The following JAK2 variants were observed in gnomAD, a reference collection of about 807,000 sequenced individuals.
JAK2 encodes the protein tyrosine-protein kinase JAK2.
A neutral mutation model predicts 139.3 loss-of-function variants in JAK2; 86 were observed. The ratio of observed to expected loss-of-function variants is 0.62; its 90% CI spans 0.52 to 0.74. JAK2 has a LOEUF of 0.74. JAK2 is among the 30% of genes least tolerant of loss of function. JAK2 has a pLI of 0.00. For missense variants in JAK2, 1,421 were observed against 1,360.3 expected (o/e 1.04, Z -0.70); for synonymous variants, 490 against 437.7 (o/e 1.12, Z -1.49).
chr9:5,061,790 G>A (rs905815757), intron 8 of JAK2, among the ~76,000 whole-genome samples: 2 of 152,252 alleles, frequency 1.3e-5, no homozygotes, highest in South Asian at 2.1e-4. Flanking sequence ...AGCTTTCAGC[G>A]TGTGTTGGCT....
rs1307677230 is a variant in JAK2, at chr9:5,122,907, C to A, written c.3060-97C>A. The A allele has an allele frequency of 1.7e-5, 13 of 751,738 alleles. No individual in the cohort carries two copies. The Admixed American group carries it at 2.8e-4, about 16-fold the overall frequency. The allele number at this position is 751,738 out of a possible 1,614,324, so 46.6% of individuals were successfully genotyped here. ...CCTGCTGTGATAACTCTTTTCTCTA[C>A]ATGTTTTTTTTTTTAATTTATACAA... On this transcript the variant is annotated intron_variant, in intron 22 of 24. Transcript: ENST00000381652.
At chr9:5,046,685 T>A (rs1303556074) in intron 5 of JAK2, among the ~76,000 whole-genome samples, 1 of 152,200 alleles carries the variant, frequency 6.6e-6, no homozygotes, top group Non-Finnish European at 1.5e-5. Context: ...GGCACCTTTG[T>A]TGAAAATCAT....
chr9:5,114,131 A>G, intron 22 of JAK2: 1 of 371,742 alleles, frequency 2.7e-6, no homozygotes, highest in Admixed American at 3.4e-5. Context: ...TCACCTATCA[A>G]GGTAACACCT....
chr9:5,117,078 C>A (rs1157268576), intron 22 of JAK2, among the ~76,000 whole-genome samples: 1 of 152,214 alleles, frequency 6.6e-6, no homozygotes, highest in Non-Finnish European at 1.5e-5. Flanking sequence ...TGTGAGGACA[C>A]GGCATTCCTC....
rs554307900 is a variant in JAK2 at position 5,029,309 on chromosome 9, C to A, written c.227-474C>A. On this transcript the variant is annotated intron_variant, in intron 3 of 24. Coordinates refer to ENST00000381652, the MANE Select transcript of JAK2 (RefSeq NM_004972.4). ...CACAGCATTTGTTGCTTATGTTTGTCATCTTATATGGGCACGGTTCATAGC... is the reference window on the plus strand; with the variant it reads ...CACAGCATTTGTTGCTTATGTTTGTAATCTTATATGGGCACGGTTCATAGC... Among the ~76,000 whole-genome samples the A allele has an allele frequency of 2.6e-5, 4 of 152,256 alleles. No individual in the cohort carries two copies. The East Asian group carries it at 5.8e-4, about 22-fold the overall frequency.
intron 3 of JAK2, among the ~76,000 whole-genome samples, chr9:5,028,070 T>G (rs1822893783): frequency 6.6e-6 from 1 of 152,230 alleles, no homozygotes; most frequent in Non-Finnish European, 1.5e-5. Context: ...CATAAGTTTT[T>G]TTATTTACTT....
rs202072281 is a variant in JAK2 at position 5,080,701 on chromosome 9, C to A, written c.2434+18C>A. 300 of 1,510,180 alleles carry A rather than the reference C, an allele frequency of 2.0e-4. No individual in the cohort carries two copies. In the African/African-American group the frequency reaches 3.9e-3, roughly 20 times the overall value. 93.5% of individuals were successfully genotyped at this position (1,510,180 alleles called of 1,614,324 possible). A position where few individuals can be genotyped will look rare whatever the true frequency, so the allele number is the denominator to read the frequency against. On this transcript the variant is annotated intron_variant, in intron 18 of 24. Coordinates refer to ENST00000381652, the MANE Select transcript of JAK2 (RefSeq NM_004972.4). The stretch of plus-strand genomic sequence containing the variant: ...TACTCCAGGTATGTATTTGAATGAT[C>A]TTATTGATTTTCCAGCTTTCTATCT...
chr9:5,102,004 G>A (rs1190664384), intron 22 of JAK2, among the ~76,000 whole-genome samples: 1 of 152,158 alleles, frequency 6.6e-6, no homozygotes, highest in Non-Finnish European at 1.5e-5. Context: ...TCCTCCAAAG[G>A]ATTGCAGCTC....
Position 5,054,472 on chromosome 9 carries a change from G to T in JAK2, c.615-91G>T. The T allele has an allele frequency of 9.0e-7, 1 of 1,108,844 alleles. No homozygotes were observed. 68.7% of individuals were successfully genotyped at this position (1,108,844 alleles called of 1,614,324 possible). On this transcript the variant is annotated intron_variant, in intron 6 of 24. Transcript: ENST00000381652. This position sits in a 1 kb window ranked among gnomAD's most constrained non-coding sequence, Gnocchi z 4.9. ...GTGTTGTAAGGCCTACTTAATCATGGAAAAAGGTGGTAACTTCTTTTTCAA... is the reference window on the plus strand; with the variant it reads ...GTGTTGTAAGGCCTACTTAATCATGTAAAAAGGTGGTAACTTCTTTTTCAA...
At chr9:5,061,087 C>A (rs1818139341) in intron 8 of JAK2, among the ~76,000 whole-genome samples, 1 of 152,156 alleles carries the variant, frequency 6.6e-6, no homozygotes, top group African/African-American at 2.4e-5. Flanking sequence ...AGTCAGTAAA[C>A]CATGCTATAA....
chr9:4,991,996 C>T (rs970961279), intron 2 of JAK2, among the ~76,000 whole-genome samples: 8 of 152,260 alleles, frequency 5.3e-5, no homozygotes, highest in Non-Finnish European at 1.0e-4. Flanking sequence ...AAAACAACTA[C>T]TTTATTAGGC....
intron 22 of JAK2, chr9:5,094,872 C>A (rs1311453925): frequency 6.6e-6 from 1 of 152,158 alleles, no homozygotes; most frequent in African/African-American, 2.4e-5. Context: ...CTTTTAACCA[C>A]CGTTTTTATG....
At chr9:5,093,199 T>C (rs1212487308) in intron 22 of JAK2, among the ~76,000 whole-genome samples, 1 of 152,194 alleles carries the variant, frequency 6.6e-6, no homozygotes, top group Non-Finnish European at 1.5e-5. Flanking sequence ...CATCCTATTA[T>C]TTATACTGTT....
At chr9:5,036,758 C>T (rs1006060718) in intron 4 of JAK2, among the ~76,000 whole-genome samples, 2 of 152,162 alleles carry the variant, frequency 1.3e-5, no homozygotes, top group Non-Finnish European at 2.9e-5. Flanking sequence ...CCATAAAAAC[C>T]CTAGAAGAAA....
intron 12 of JAK2, among the ~76,000 whole-genome samples, chr9:5,070,831 C>G (rs10974944): frequency 0.25 from 37,976 of 151,866 alleles, 4,887 homozygotes; most frequent in South Asian, 0.3. Flanking sequence ...GGTTGATGAT[C>G]AGCCACATTT....
In JAK2 at chr9:5,069,196, C is replaced by T; in HGVS notation, c.1501C>T (p.Pro501Ser). 1.9e-6 allele frequency: 3 copies of T among 1,599,644 alleles called. No homozygotes were observed. Among genetic ancestry groups the T allele is most frequent in the Non-Finnish European group, 2.6e-6 (3 of 1,174,234 alleles). Residue 501 changes from proline to serine, a missense_variant, in exon 11 of 25, where the codon CCA becomes TCA. Coordinates refer to ENST00000381652, the MANE Select transcript of JAK2 (RefSeq NM_004972.4). The stretch of plus-strand genomic sequence containing the variant: ...TTTCCAGTTTACTAAATGCTGTCCC[C>T]CAAAGCCAAAAGGTAAGATAATTTT... The part of the protein sequence containing the change: ...IIFQFTKCCP[P>S]KPKDKSNLLV...
chr9:5,004,363 A>G (rs573793882), intron 2 of JAK2, among the ~76,000 whole-genome samples: 13 of 152,262 alleles, frequency 8.5e-5, no homozygotes, highest in South Asian at 2.1e-4. Flanking sequence ...TTTAGATTCT[A>G]TGGATCAGTG....
intron 2 of JAK2, among the ~76,000 whole-genome samples, chr9:5,009,011 C>G (rs1026558502): frequency 2.6e-5 from 4 of 152,150 alleles, no homozygotes; most frequent in African/African-American, 9.7e-5. Flanking sequence ...TTATTCAACT[C>G]TTTCACTGAA....
intron 3 of JAK2, among the ~76,000 whole-genome samples, chr9:5,024,055 G>T (rs531494340): frequency 2.2e-4 from 34 of 152,266 alleles, no homozygotes; most frequent in African/African-American, 8.2e-4. Context: ...AGGAGATCGA[G>T]ATCATCCTGG....
Sources: allele counts gnomAD v4.1 joint callset (sites outside exome capture counted in the v4.1 genomes callset), GRCh38; gene constraint gnomAD v4.1.1; non-coding constraint Gnocchi (gnomAD v3.1); transcripts MANE v1.5; gene names NCBI Gene and HGNC (gene_info 2026-07-23, HGNC 2026-07-21).